The following ECT2 variants were observed in gnomAD, a reference collection of about 807,000 sequenced individuals.
ECT2 encodes epithelial cell transforming 2.
ECT2 carries 61 observed loss-of-function variants against 116.9 expected under a neutral mutation model. That is an observed-to-expected ratio of 0.52 (90% CI 0.42 to 0.65). ECT2 has a LOEUF of 0.65. Among genes scored for constraint, ECT2 ranks in the 30% least tolerant of loss-of-function variants. The probability of loss-of-function intolerance (pLI) is 0.00; values close to 1 mark genes in which losing one functional copy is unlikely to be tolerated. For synonymous variants in ECT2, 358 were observed against 346.4 expected, an observed-to-expected ratio of 1.03 and a Z score of -0.37; for missense variants, 937 against 1,078.7, an observed-to-expected ratio of 0.87 and a Z score of 1.84.
intron 13 of ECT2, 46 bp downstream of exon 13, chr3:172,769,189 T>G: frequency 6.5e-7 from 1 of 1,529,522 alleles, no homozygotes; most frequent in Non-Finnish European, 8.9e-7. Flanking sequence ...CCAGTGTTCC[T>G]AAGTAAAAAA....
chr3:172,808,660 C>G (rs1315752857), intron 22 of ECT2, among the ~76,000 whole-genome samples: 1 of 152,152 alleles, frequency 6.6e-6, no homozygotes, highest in Non-Finnish European at 1.5e-5. Context: ...AGACCTCTTA[C>G]TCTTTGCACA....
At chr3:172,775,015 A>G (rs1417166343) in intron 14 of ECT2, among the ~76,000 whole-genome samples, 1 of 152,160 alleles carries the variant, frequency 6.6e-6, no homozygotes, top group African/African-American at 2.4e-5. Flanking sequence ...TCCCTTCTCC[A>G]TTTATAGGTA....
chr3:172,819,826 A>G (rs1432581930), intron 24 of ECT2, among the ~76,000 whole-genome samples: 1 of 152,126 alleles, frequency 6.6e-6, no homozygotes, highest in African/African-American at 2.4e-5. Context: ...TTCTTTTATA[A>G]CCTGAAACAC....
intron 8 of ECT2, 49 bp downstream of exon 8, chr3:172,761,732 G>A: frequency 7.5e-7 from 1 of 1,331,346 alleles, no homozygotes; most frequent in Non-Finnish European, 1.1e-6. Context: ...AAACATTCTG[G>A]TTTAAAGATA....
chr3:172,757,415 C>CTT (rs34169147), intron 5 of ECT2, among the ~76,000 whole-genome samples: 4,282 of 120,386 alleles, frequency 0.036, 220 homozygotes, highest in Non-Finnish European at 0.048. Flanking sequence ...ATACATAGTC[C>CTT]TTTTTTTTTT....
intron 1 of ECT2, among the ~76,000 whole-genome samples, chr3:172,753,840 G>A (rs1560235756): frequency 6.6e-6 from 1 of 152,208 alleles, no homozygotes; most frequent in Non-Finnish European, 1.5e-5. Flanking sequence ...ACTTGGTGGT[G>A]AATTTGGACT....
intron 18 of ECT2, among the ~76,000 whole-genome samples, chr3:172,792,247 C>T (rs574592975): frequency 6.6e-5 from 10 of 152,140 alleles, no homozygotes; most frequent in Non-Finnish European, 1.3e-4. Context: ...GTGATAGAGA[C>T]ACGAAGTAAG....
chr3:172,752,820 A>G (rs950298540), intron 1 of ECT2, among the ~76,000 whole-genome samples: 1 of 152,208 alleles, frequency 6.6e-6, no homozygotes, highest in Non-Finnish European at 1.5e-5. Context: ...TGTTCCACCA[A>G]TGTGGAAACT....
intron 22 of ECT2, among the ~76,000 whole-genome samples, chr3:172,809,701 C>CGTA (rs1728427017): frequency 6.6e-6 from 1 of 151,860 alleles, no homozygotes; most frequent in Admixed American, 6.6e-5. Context: ...TTTTTTGGTA[C>CGTA]CCTAAGTAAC....
At position 172,764,413 on chromosome 3, in the gene ECT2, C is replaced by T. The variant is rs754828041; in HGVS notation, c.1204C>T (p.Arg402Cys). 90 of 1,614,034 alleles carry T rather than the reference C, an allele frequency of 5.6e-5. No homozygotes were observed. Among genetic ancestry groups the T allele is most frequent in the Middle Eastern group, 1.6e-4 (1 of 6,084 alleles). ...RETDVSPFPP[R>C]KRPSAEHSLS... The stretch of plus-strand genomic sequence containing the variant: ...GACAGACGTGTCACCATTTCCACCC[C>T]GTAAGCGCCCATCAGCTGAGCATTC... Residue 402 changes from arginine (R) to cysteine (C), a missense_variant, in exon 12 of 25, where the codon CGT (arginine) becomes TGT (cysteine). Physicochemically the swap from Arg to Cys is radical, Grantham distance 180 (BLOSUM62 -3). Coordinates refer to ENST00000392692, the MANE Select transcript of ECT2 (RefSeq NM_001258315.2).
At chr3:172,799,070 A>G (rs1437176789) in intron 18 of ECT2, among the ~76,000 whole-genome samples, 2 of 152,192 alleles carry the variant, frequency 1.3e-5, no homozygotes, top group Admixed American at 6.5e-5. Context: ...AAAAAAAGTT[A>G]TATTTCTAAT....
At chr3:172,825,656 A>G (rs139183648), downstream of ECT2, among the ~76,000 whole-genome samples, 105 of 152,314 alleles carry the variant, frequency 6.9e-4, no homozygotes, top group Admixed American at 5.0e-3. Flanking sequence ...TTTCAATTCT[A>G]TGAAGGCTGA....
At chr3:172,811,944 A>G (rs1728832189) in intron 22 of ECT2, among the ~76,000 whole-genome samples, 1 of 151,860 alleles carries the variant, frequency 6.6e-6, no homozygotes, top group Non-Finnish European at 1.5e-5. Flanking sequence ...TTCTAGAAAT[A>G]TAAGCATAGA....
intron 22 of ECT2, among the ~76,000 whole-genome samples, chr3:172,810,730 G>GGGGAGAAGTGTCTCATAACTCACA (rs1560022749): frequency 6.6e-6 from 1 of 152,044 alleles, no homozygotes; most frequent in African/African-American, 2.4e-5. Flanking sequence ...CATAACTCAC[G>GGGGAGAAGTGTCTCATAACTCACA]AGTAAACAGG....
chr3:172,800,032 A>G (rs1203233806), intron 18 of ECT2, among the ~76,000 whole-genome samples: 2 of 152,180 alleles, frequency 1.3e-5, no homozygotes, highest in Non-Finnish European at 2.9e-5. Context: ...GATAGAGACA[A>G]CCAGGACAGG....
chr3:172,765,786 C>T (rs959598381), intron 12 of ECT2, among the ~76,000 whole-genome samples: 2 of 152,186 alleles, frequency 1.3e-5, no homozygotes, highest in African/African-American at 4.8e-5. Context: ...TGCCTAATCT[C>T]ATGTGGTATT....
At chr3:172,771,608 T>C (rs1720648088) in intron 13 of ECT2, among the ~76,000 whole-genome samples, 1 of 152,196 alleles carries the variant, frequency 6.6e-6, no homozygotes, top group African/African-American at 2.4e-5. Flanking sequence ...TGCTATATTA[T>C]CTAAGCTATA....
intron 22 of ECT2, among the ~76,000 whole-genome samples, chr3:172,815,388 T>G (rs1729501737): frequency 1.3e-5 from 2 of 152,174 alleles, no homozygotes; most frequent in East Asian, 3.8e-4. Flanking sequence ...ATTGCTTTGG[T>G]ATCCATGACC....
chr3:172,792,610 A>G (rs2108836511), intron 18 of ECT2, among the ~76,000 whole-genome samples: 1 of 152,328 alleles, frequency 6.6e-6, no homozygotes, highest in South Asian at 2.1e-4. Flanking sequence ...GGCTCTTCCA[A>G]GTAAAGCTGC....
Sources: gnomAD v4.1 joint callset for allele counts (sites outside exome capture counted in the v4.1 genomes callset) on GRCh38, gnomAD v4.1.1 for gene constraint, MANE v1.5 for transcripts, NCBI Gene and HGNC (gene_info 2026-07-23, HGNC 2026-07-21) for gene names.